The following PKD1 variants were observed in gnomAD, a reference collection of about 807,000 sequenced individuals.
The protein encoded by PKD1 is polycystin 1, transient receptor potential channel interacting.
A neutral mutation model predicts 361.7 loss-of-function variants in PKD1; 81 were observed. That is an observed-to-expected ratio of 0.22 (90% CI 0.19 to 0.27). The LOEUF is 0.27. PKD1 is among the 10% of genes least tolerant of loss of function. The pLI is 1.00. For missense variants in PKD1, 6,399 were observed against 6,118.3 expected, an observed-to-expected ratio of 1.05 and a Z score of -1.53; for synonymous variants, 3,615 against 2,818.3, an observed-to-expected ratio of 1.28 and a Z score of -8.95.
In PKD1 at chr16:2,108,035, G is replaced by A. The variant is rs1233126593; in HGVS notation, c.6916-3C>T. The stretch of plus-strand genomic sequence containing the variant: ...AGCGCACACCCGCCAGCCTCCCTCT[G>A]CAGGCCGAGAACAAGGGGCGACGTG... On this transcript the variant is annotated splice_polypyrimidine_tract_variant and splice_region_variant and intron_variant, in intron 15 of 45. Coordinates refer to ENST00000262304, the MANE Select transcript of PKD1 (RefSeq NM_001009944.3). The A allele has an allele frequency of 1.3e-6, 2 of 1,558,916 alleles. No homozygotes were observed. The highest frequency in any genetic ancestry group is 1.9e-5 in the Admixed American group (1 of 51,810).
rs559717259 is a variant in PKD1, at chr16:2,113,063, G to C, written c.2985+98C>G. 6 of 1,329,348 alleles carry C rather than the reference G, an allele frequency of 4.5e-6. No homozygotes were observed. The East Asian group carries it at 9.3e-5, about 21-fold the overall frequency. 82.3% of individuals were successfully genotyped at this position (1,329,348 alleles called of 1,614,324 possible). A position where few individuals can be genotyped will look rare whatever the true frequency, so the allele number is the denominator to read the frequency against. On this transcript the variant is annotated intron_variant, in intron 12 of 45. Transcript: ENST00000262304. ...CACCCACAGCCATGGCAGCGTCCTCGGGCAGCATGAAGCAGAGCAGAAGGC... is the reference window on the plus strand; with the variant it reads ...CACCCACAGCCATGGCAGCGTCCTCCGGCAGCATGAAGCAGAGCAGAAGGC...
In PKD1 at chr16:2,109,031, G is replaced by A; in HGVS notation, c.6136C>T (p.Leu2046=). 3 of 1,609,092 alleles carry A rather than the reference G, an allele frequency of 1.9e-6. No individual in the cohort carries two copies. The highest frequency in any genetic ancestry group is 1.1e-5 in the South Asian group (1 of 91,006). The change falls in exon 15 of 46, where the codon CTG becomes TTG. Residue 2046 remains leucine (L), a synonymous_variant. Transcript: ENST00000262304. Reference sequence around the variant, plus strand: ...ACCAGCGTGCGGTTCTCACTGCCCAGGGCGTTGAAGGCGCGCACCTGGATC... The same window carrying A: ...ACCAGCGTGCGGTTCTCACTGCCCAAGGCGTTGAAGGCGCGCACCTGGATC... ...LEIQVRAFNA[L]GSENRTLVLE...
intron 26 of PKD1, among the ~76,000 whole-genome samples, chr16:2,101,153 T>C (rs937395875): frequency 1.3e-5 from 2 of 152,138 alleles, no homozygotes; most frequent in East Asian, 1.9e-4. Context: ...GCCGGGCTAA[T>C]TTTTTTGTAC....
Position 2,106,958 on chromosome 16 carries a change from G to A in PKD1, c.7066-10C>T, listed in dbSNP as rs776383013. ...CACTCCGGATCAGCACCTGGCGTGG[G>A]AGTGGGGTTACCTCCAACACAGGTC... On this transcript the variant is annotated splice_polypyrimidine_tract_variant and intron_variant, in intron 16 of 45. Transcript: ENST00000262304. This position sits in a 1 kb window ranked among gnomAD's most constrained non-coding sequence, Gnocchi z 6.5. The A allele has an allele frequency of 1.3e-6, 2 of 1,584,314 alleles. No homozygotes were observed. Among genetic ancestry groups the A allele is most frequent in the East Asian group, 4.5e-5 (2 of 44,828 alleles).
In PKD1 at chr16:2,093,887, G is replaced by C. The variant is rs952576472; in HGVS notation, c.10745C>G (p.Pro3582Arg). 9.5e-6 allele frequency: 15 copies of C among 1,576,994 alleles called. No individual in the cohort carries two copies. Among genetic ancestry groups the C allele is most frequent in the African/African-American group, 4.0e-5 (3 of 74,212 alleles). The change falls in exon 36 of 46, where the codon CCG becomes CGG. Residue 3582 changes from proline (P) to arginine (R), a missense_variant. Coordinates refer to ENST00000262304, the MANE Select transcript of PKD1 (RefSeq NM_001009944.3). Reference protein sequence around the residue: ...VSGWVGASFPPGVSVAWLLSS... With the variant: ...VSGWVGASFPRGVSVAWLLSS... ...CAGGAGCCACGCAACACTCACGCCCGGGGGGAAGCTCGCACCCACCCACCC... is the reference window on the plus strand; with the variant it reads ...CAGGAGCCACGCAACACTCACGCCCCGGGGGAAGCTCGCACCCACCCACCC...
At position 2,097,340 on chromosome 16, in the gene PKD1, C is replaced by T. The variant is rs1033072701; in HGVS notation, c.10384G>A (p.Ala3462Thr). 1 of 1,612,752 alleles carries T rather than the reference C, an allele frequency of 6.2e-7. No individual in the cohort carries two copies. The highest frequency in any genetic ancestry group is 8.5e-7 in the Non-Finnish European group (1 of 1,179,980). The change falls in exon 33 of 46, where the codon GCC becomes ACC. Residue 3462 changes from alanine (A) to threonine (T), a missense_variant. By Grantham distance (58) the Ala-to-Thr change is moderately conservative (BLOSUM62 0). Coordinates refer to ENST00000262304, the MANE Select transcript of PKD1 (RefSeq NM_001009944.3). ...TCACCTGATGCTGAGAAGGATTTGG[C>T]AGGCGAGTAGGGGCTGGCCAGGGAG... The part of the protein sequence containing the change: ...GFSLASPYSP[A>T]KSFSASDEDL...
At position 2,089,816 on chromosome 16, in the gene PKD1, C is replaced by T. The variant is rs1170274807; in HGVS notation, c.12823G>A (p.Ala4275Thr). The change falls in exon 46 of 46, where the codon GCC (alanine) becomes ACC (threonine). Residue 4275 changes from alanine to threonine, a missense_variant. Coordinates refer to ENST00000262304, the MANE Select transcript of PKD1 (RefSeq NM_001009944.3). ...AGGTCCACACCCCGACTGGCCCGGG[C>T]AAGGCGGCTGGGCAGTGCTGGCCGC... Reference protein sequence around the residue: ...GLRPALPSRLARASRGVDLAT... With the variant: ...GLRPALPSRLTRASRGVDLAT... The T allele has an allele frequency of 2.5e-6, 4 of 1,601,454 alleles. No homozygotes were observed. The Admixed American group carries it at 6.9e-5, about 28-fold the overall frequency.
At chr16:2,091,366 C>T in intron 42 of PKD1, 57 bp downstream of exon 42, 1 of 978,078 alleles carries the variant, frequency 1.0e-6, no homozygotes, top group Non-Finnish European at 1.2e-6. Flanking sequence ...CGGGGCCCCG[C>T]GAGGGGGCGG....
intron 1 of PKD1, among the ~76,000 whole-genome samples, chr16:2,130,450 C>A (rs1206115655): frequency 6.6e-6 from 1 of 152,230 alleles, no homozygotes; most frequent in Non-Finnish European, 1.5e-5. Flanking sequence ...TCCCCATCAT[C>A]CATCTCTGTC....
chr16:2,122,227 C>T (rs1410057156), intron 1 of PKD1, among the ~76,000 whole-genome samples: 2 of 152,246 alleles, frequency 1.3e-5, no homozygotes, highest in African/African-American at 4.8e-5. Context: ...ACAGATGAGA[C>T]GCTGGGCACT....
chr16:2,116,152 C>T (rs1320178194), intron 8 of PKD1, 34 bp from the exon 9 acceptor site: 1 of 1,552,798 alleles, frequency 6.4e-7, no homozygotes, highest in Non-Finnish European at 8.7e-7. Context: ...GCTCCACAGA[C>T]CCCATCCCAG....
In PKD1 at chr16:2,111,818, G is replaced by T. The variant is rs755084885; in HGVS notation, c.3349C>A (p.Gln1117Lys). The change falls in exon 15 of 46, where the codon CAG (glutamine) becomes AAG (lysine). Residue 1117 changes from glutamine to lysine, a missense_variant. By Grantham distance (53) the Gln-to-Lys change is moderately conservative (BLOSUM62 1). Transcript: ENST00000262304. ...ASNAFENLTQQVPVSVRASLP... is the reference protein window; with the variant it reads ...ASNAFENLTQKVPVSVRASLP... ...GAGGCGCGCACGCTCACAGGCACCT[G>T]CTGCGTCAGGTTCTCGAAGGCATTA... 27 of 1,609,956 alleles carry T rather than the reference G, an allele frequency of 1.7e-5. No individual in the cohort carries two copies. In the South Asian group the frequency reaches 2.9e-4, roughly 17 times the overall value.
intron 1 of PKD1, chr16:2,119,862 G>A: frequency 1.4e-6 from 1 of 700,144 alleles, no homozygotes; most frequent in Non-Finnish European, 2.6e-6. Flanking sequence ...TCACTACCAG[G>A]CTACCAGGGA....
chr16:2,102,655 G>T, intron 24 of PKD1, 22 bp from the exon 25 acceptor site: 1 of 1,610,776 alleles, frequency 6.2e-7, no homozygotes. Flanking sequence ...AGGGGTAGCG[G>T]ACGTGAGCCC....
chr16:2,091,589 G>A lies in PKD1; in HGVS notation c.11546C>T (p.Ala3849Val), dbSNP rs1217707422. Residue 3849 changes from alanine to valine, a missense_variant, in exon 42 of 46, where the codon GCT becomes GTT. Ala to Val is a moderately conservative substitution (Grantham distance 64, BLOSUM62 0). Coordinates refer to ENST00000262304, the MANE Select transcript of PKD1 (RefSeq NM_001009944.3). ...GTAGCGCGTGAGCTCCAGGAACACA[G>A]CGCGGCTCCTGCGCAGAGGGTGCGG... Reference protein sequence around the residue: ...LHNWLDNRSRAVFLELTRYSP... With the variant: ...LHNWLDNRSRVVFLELTRYSP... 5 of 1,556,624 alleles carry A rather than the reference G, an allele frequency of 3.2e-6. No individual in the cohort carries two copies. The highest frequency in any genetic ancestry group is 2.3e-5 in the East Asian group (1 of 43,054).
chr16:2,091,229 C>G (rs2091517615), intron 42 of PKD1, 55 bp from the exon 43 acceptor site: 2 of 835,042 alleles, frequency 2.4e-6, no homozygotes, highest in Middle Eastern at 4.5e-4. Context: ...CGGGGCCCTG[C>G]GAGGGGGCGG....
In PKD1 at chr16:2,096,986, T is replaced by G. The variant is rs1019368407; in HGVS notation, c.10499+162A>C. 31 of 638,446 alleles carry G rather than the reference T, an allele frequency of 4.9e-5. No individual in the cohort carries two copies. In the African/African-American group the frequency reaches 5.0e-4, roughly 10 times the overall value. The allele number at this position is 638,446 out of a possible 1,614,324, so 39.5% of individuals were successfully genotyped here. The stretch of plus-strand genomic sequence containing the variant: ...TGGGGCCCTGGGGATCCCATGAGGC[T>G]CTTTCCACAGACAACAGAGGTTCAG... On this transcript the variant is annotated intron_variant, in intron 34 of 45. Coordinates refer to ENST00000262304, the MANE Select transcript of PKD1 (RefSeq NM_001009944.3).
Position 2,097,942 on chromosome 16 carries a change from G to T in PKD1, c.10093C>A (p.Leu3365Met), listed in dbSNP as rs1354750094. 1.2e-6 allele frequency: 2 copies of T among 1,601,830 alleles called. No homozygotes were observed. The highest frequency in any genetic ancestry group is 1.7e-6 in the Non-Finnish European group (2 of 1,172,674). ...GAGTCCAGGCAGCTGTCGATGTCCAGCACCTGCTGCCCGGCAGGTGTGGGG... is the reference window on the plus strand; with the variant it reads ...GAGTCCAGGCAGCTGTCGATGTCCATCACCTGCTGCCCGGCAGGTGTGGGG... ...PSPTPAGQQV[L>M]DIDSCLDSSV... Residue 3365 changes from leucine to methionine, a missense_variant, in exon 31 of 46, where the codon CTG becomes ATG. Coordinates refer to ENST00000262304, the MANE Select transcript of PKD1 (RefSeq NM_001009944.3).
chr16:2,097,027 C>A (rs1467890061), intron 34 of PKD1, 121 bp downstream of exon 34: 2 of 709,186 alleles, frequency 2.8e-6, no homozygotes, highest in African/African-American at 1.7e-5. Context: ...TGAAGTGGTG[C>A]AGCCACAGCC....
Sources: allele counts gnomAD v4.1 joint callset (sites outside exome capture counted in the v4.1 genomes callset), GRCh38; gene constraint gnomAD v4.1.1; non-coding constraint Gnocchi (gnomAD v3.1); transcripts MANE v1.5; gene names NCBI Gene and HGNC (gene_info 2026-07-23, HGNC 2026-07-21).